PRKG1: variants seen among roughly 807,000 people sequenced by gnomAD.
PRKG1 encodes protein kinase cGMP-dependent 1, also known as cGMP-dependent protein kinase 1.
PRKG1 carries 35 observed loss-of-function variants against 88.1 expected under a neutral mutation model. The ratio of observed to expected loss-of-function variants is 0.40; its 90% CI spans 0.30 to 0.53. The LOEUF (loss-of-function observed/expected upper bound fraction) is 0.53, where lower values mean the gene tolerates loss of function less well. Ranked by LOEUF, PRKG1 falls within the 20% of genes least tolerant of loss-of-function variation. The probability of loss-of-function intolerance (pLI) is 0.59; values close to 1 mark genes in which losing one functional copy is unlikely to be tolerated. For missense variants in PRKG1, 540 were observed against 839.8 expected, an observed-to-expected ratio of 0.64 and a Z score of 4.41; for synonymous variants, 303 against 292.5, an observed-to-expected ratio of 1.04 and a Z score of -0.37.
At chr10:51,550,810 C>T (rs1006526183) in intron 3 of PRKG1, among the ~76,000 whole-genome samples, 1 of 151,828 alleles carries the variant, frequency 6.6e-6, no homozygotes, top group South Asian at 2.1e-4. Flanking sequence ...ACTATGGTTT[C>T]AAACATGAAA....
chr10:51,230,573 T>C (rs1286096929), intron 2 of PRKG1, among the ~76,000 whole-genome samples: 1 of 152,196 alleles, frequency 6.6e-6, no homozygotes, highest in Admixed American at 6.5e-5. Context: ...TCCCTTAGTA[T>C]CCATGGGAGA....
At chr10:51,733,434 A>G (rs947549151) in intron 3 of PRKG1, among the ~76,000 whole-genome samples, 3 of 152,174 alleles carry the variant, frequency 2.0e-5, no homozygotes, top group African/African-American at 7.2e-5. Flanking sequence ...ACTAATAGGA[A>G]CGTCTTGAAC....
chr10:51,223,012 G>T (rs1440669292), intron 2 of PRKG1, among the ~76,000 whole-genome samples: 1 of 151,876 alleles, frequency 6.6e-6, no homozygotes, highest in East Asian at 1.9e-4. Context: ...GTTTGTGTGT[G>T]GCGGGGGGTG....
chr10:52,197,033 T>C (rs989615315), intron 9 of PRKG1, among the ~76,000 whole-genome samples: 3 of 152,228 alleles, frequency 2.0e-5, no homozygotes, highest in Admixed American at 2.0e-4. Flanking sequence ...ATGCTCACTT[T>C]GTGCAGGTTC....
rs78884347 is a variant in PRKG1, at chr10:51,754,423, A to T, written c.593-50162A>T. Among the ~76,000 whole-genome samples the T allele has an allele frequency of 3.5e-3, 531 of 152,242 alleles. 4 individuals carry two copies. Among genetic ancestry groups the T allele is most frequent in the African/African-American group, 9.5e-3 (395 of 41,548 alleles). On this transcript the variant is annotated intron_variant, in intron 3 of 17. Transcript: ENST00000373980. Reference sequence around the variant, plus strand: ...TGTTCTTTCAATTACTTCCCTCTTTAGTCACTTGCCCAAATGGGTGGCTTA... The same window carrying T: ...TGTTCTTTCAATTACTTCCCTCTTTTGTCACTTGCCCAAATGGGTGGCTTA...
chr10:51,168,893 T>A (rs1329595589), intron 2 of PRKG1, among the ~76,000 whole-genome samples: 2 of 152,210 alleles, frequency 1.3e-5, no homozygotes, highest in East Asian at 3.8e-4. Context: ...TTAATTACAT[T>A]CCATTTCACA....
At chr10:51,444,402 G>A (rs1157103690) in intron 2 of PRKG1, among the ~76,000 whole-genome samples, 1 of 151,796 alleles carries the variant, frequency 6.6e-6, no homozygotes, top group Non-Finnish European at 1.5e-5. Context: ...TGAAATATGT[G>A]TTGCCTCCCT....
chr10:52,031,955 C>T (rs1215098700), intron 5 of PRKG1, among the ~76,000 whole-genome samples: 2 of 152,160 alleles, frequency 1.3e-5, no homozygotes, highest in Admixed American at 6.5e-5. Context: ...CACAATACAA[C>T]TAAGGCCCTG....
chr10:52,081,064 C>A (rs1322338295), intron 7 of PRKG1, among the ~76,000 whole-genome samples: 1 of 152,184 alleles, frequency 6.6e-6, no homozygotes, highest in Non-Finnish European at 1.5e-5. Context: ...CTGCTGAGCA[C>A]CCTCTTCAAC....
At position 52,223,758 on chromosome 10, in the gene PRKG1, C is replaced by T. The variant is rs1295759808; in HGVS notation, c.1077-27812C>T. Among the ~76,000 whole-genome samples the T allele has an allele frequency of 2.0e-5, 3 of 152,268 alleles. No individual in the cohort carries two copies. In the East Asian group the frequency reaches 5.8e-4, roughly 29 times the overall value. On this transcript the variant is annotated intron_variant, in intron 9 of 17. Coordinates refer to ENST00000373980, the MANE Select transcript of PRKG1 (RefSeq NM_006258.4). ...TTTTTCTCTAAGCCTGTTCCTCTTA[C>T]AATTTTCCCTATTTTACTAAAAAGA...
At chr10:51,113,746 A>AC (rs140546166) in intron 1 of PRKG1, among the ~76,000 whole-genome samples, 65,586 of 143,188 alleles carry the variant, frequency 0.46, 16,047 homozygotes, top group East Asian at 0.67. Flanking sequence ...AAAAAAAAAA[A>AC]AAACTAAAAG....
intron 17 of PRKG1, among the ~76,000 whole-genome samples, chr10:52,292,494 TC>T (rs1397699630): frequency 2.0e-5 from 3 of 151,976 alleles, no homozygotes; most frequent in African/African-American, 7.3e-5. Context: ...TAGCCAGTTT[TC>T]CCAGCACCAT....
intron 5 of PRKG1, among the ~76,000 whole-genome samples, chr10:52,027,934 G>T (rs1845383758): frequency 6.6e-6 from 1 of 152,116 alleles, no homozygotes; most frequent in South Asian, 2.1e-4. Flanking sequence ...GACTGCAGGT[G>T]CCTGCCACCA....
At chr10:51,981,610 A>T (rs918916592) in intron 5 of PRKG1, among the ~76,000 whole-genome samples, 44 of 151,960 alleles carry the variant, frequency 2.9e-4, no homozygotes, top group African/African-American at 1.0e-3. Context: ...TAAATAGCAA[A>T]AAATAAAAAA....
intron 3 of PRKG1, among the ~76,000 whole-genome samples, chr10:51,710,404 G>A (rs918526834): frequency 1.7e-4 from 26 of 152,090 alleles, no homozygotes; most frequent in Middle Eastern, 3.4e-3. Flanking sequence ...CACTGTCCCC[G>A]AATTCTATCT....
intron 3 of PRKG1, among the ~76,000 whole-genome samples, chr10:51,732,796 A>G (rs1347715538): frequency 6.6e-6 from 1 of 152,200 alleles, no homozygotes; most frequent in African/African-American, 2.4e-5. Context: ...TCTCACCTTA[A>G]TAAAAATTAT....
Position 51,283,476 on chromosome 10 carries a change from T to C in PRKG1, c.478+130146T>C, listed in dbSNP as rs116409635. ...AGCAGTAAAACATGTGTCCTAGAGC[T>C]ATTGGGCCATTATATTTTTTTGTGC... On this transcript the variant is annotated intron_variant, in intron 2 of 17. Coordinates refer to ENST00000373980, the MANE Select transcript of PRKG1 (RefSeq NM_006258.4). 4.0e-3 allele frequency among the ~76,000 whole-genome samples: 611 copies of C among 152,258 alleles called. 4 individuals are homozygous for C. The highest frequency in any genetic ancestry group is 0.014 in the African/African-American group (587 of 41,556).
intron 1 of PRKG1, among the ~76,000 whole-genome samples, chr10:51,020,958 A>T (rs904998478): frequency 2.6e-5 from 4 of 152,208 alleles, no homozygotes; most frequent in African/African-American, 9.6e-5. Flanking sequence ...TTTGGAGTCC[A>T]TACTTGTAGT....
At chr10:52,052,422 T>A (rs1005574241) in intron 5 of PRKG1, among the ~76,000 whole-genome samples, 31 of 143,638 alleles carry the variant, frequency 2.2e-4, no homozygotes, top group African/African-American at 7.2e-4. Context: ...ACAAAAAAAA[T>A]AAAATAATAA....
Sources: gnomAD v4.1 joint callset for allele counts (sites outside exome capture counted in the v4.1 genomes callset) on GRCh38, gnomAD v4.1.1 for gene constraint, MANE v1.5 for transcripts, NCBI Gene and HGNC (gene_info 2026-07-23, HGNC 2026-07-21) for gene names.